AP3S1: variants seen among roughly 807,000 people sequenced by gnomAD.
AP3S1 encodes adaptor related protein complex 3 subunit sigma 1.
A neutral mutation model predicts 21.3 loss-of-function variants in AP3S1; 12 were observed. The ratio of observed to expected loss-of-function variants is 0.56; its 90% CI spans 0.36 to 0.91. AP3S1 has a LOEUF of 0.91. Among genes scored for constraint, AP3S1 ranks in the 40% least tolerant of loss-of-function variants. The pLI is 0.01. For synonymous variants in AP3S1, 48 were observed against 78.4 expected, an observed-to-expected ratio of 0.61 and a Z score of 2.05; for missense variants, 116 against 225.0, an observed-to-expected ratio of 0.52 and a Z score of 3.10.
At chr5:115,892,423 A>G (rs1333776044) in intron 3 of AP3S1, among the ~76,000 whole-genome samples, 1 of 152,248 alleles carries the variant, frequency 6.6e-6, no homozygotes, top group African/African-American at 2.4e-5. Context: ...TCATCAGCAG[A>G]CGAATAATGG....
chr5:115,913,263 A>G (rs1752241311), intron 5 of AP3S1, 99 bp from the exon 6 acceptor site: 41 of 1,323,202 alleles, frequency 3.1e-5, no homozygotes, highest in Non-Finnish European at 4.0e-5. Context: ...AGCTTGTTAT[A>G]TGAAAATCTT....
At chr5:115,891,017 T>G (rs557400844) in intron 3 of AP3S1, among the ~76,000 whole-genome samples, 328 of 152,278 alleles carry the variant, frequency 2.2e-3, no homozygotes, top group Non-Finnish European at 3.5e-3. Flanking sequence ...CATTCAGTCC[T>G]CATAACAGGA....
chr5:115,846,003 C>T (rs1346935429), intron 1 of AP3S1, among the ~76,000 whole-genome samples: 1 of 152,008 alleles, frequency 6.6e-6, no homozygotes, highest in East Asian at 1.9e-4. Context: ...AGCGACTTGA[C>T]AACAGTAACC....
intron 1 of AP3S1, among the ~76,000 whole-genome samples, chr5:115,863,966 A>G (rs1273163157): frequency 6.6e-6 from 1 of 152,226 alleles, no homozygotes; most frequent in Non-Finnish European, 1.5e-5. Context: ...TGTCTGCCTG[A>G]ACAGATTTTT....
chr5:115,885,547 T>C (rs1459248410), intron 3 of AP3S1, among the ~76,000 whole-genome samples: 2 of 152,162 alleles, frequency 1.3e-5, no homozygotes, highest in Non-Finnish European at 2.9e-5. Context: ...TTAACCTTCT[T>C]TTGCCTGCTT....
intron 1 of AP3S1, among the ~76,000 whole-genome samples, chr5:115,862,606 C>A (rs1401015552): frequency 6.6e-6 from 1 of 152,144 alleles, no homozygotes. Context: ...ATAATTCCAA[C>A]ATTCTGTTGC....
At chr5:115,869,779 G>A (rs546189210) in intron 2 of AP3S1, among the ~76,000 whole-genome samples, 10 of 152,302 alleles carry the variant, frequency 6.6e-5, no homozygotes, top group African/African-American at 2.2e-4. Context: ...GTTACTCAGA[G>A]AATAGTTTAA....
chr5:115,909,042 C>T lies in AP3S1; in HGVS notation c.454-4320C>T, dbSNP rs558910019. ...GGAAGGGTGGGTAAAGGTTTTAATA[C>T]GTACAGTTTGTTCCAACTACCATCT... is the stretch of plus-strand genomic sequence containing the variant. On this transcript the variant is annotated intron_variant, in intron 5 of 5. Coordinates refer to ENST00000316788, the MANE Select transcript of AP3S1 (RefSeq NM_001284.4). 3.1e-5 allele frequency: 29 copies of T among 942,776 alleles called. No homozygotes were observed. The East Asian group carries it at 7.0e-4, about 23-fold the overall frequency. The allele number at this position is 942,776 out of a possible 1,614,324, so 58.4% of individuals were successfully genotyped here.
chr5:115,868,442 C>A (rs916310854), intron 2 of AP3S1, among the ~76,000 whole-genome samples: 1 of 152,118 alleles, frequency 6.6e-6, no homozygotes, highest in Non-Finnish European at 1.5e-5. Flanking sequence ...AACATCTTCT[C>A]TAGAAGAGTA....
chr5:115,872,198 G>T, intron 3 of AP3S1, among the ~76,000 whole-genome samples: 1 of 152,250 alleles, frequency 6.6e-6, no homozygotes, highest in Middle Eastern at 3.4e-3. Flanking sequence ...GGGAGGCTGA[G>T]GCGGGAGCCA....
At chr5:115,897,326 G>A (rs1292773342) in intron 4 of AP3S1, among the ~76,000 whole-genome samples, 1 of 151,872 alleles carries the variant, frequency 6.6e-6, no homozygotes, top group African/African-American at 2.4e-5. Context: ...TCTTTTCTCT[G>A]GGCTAAGATC....
chr5:115,889,246 G>A (rs1486201619), intron 3 of AP3S1, among the ~76,000 whole-genome samples: 1 of 151,856 alleles, frequency 6.6e-6, no homozygotes, highest in African/African-American at 2.4e-5. Flanking sequence ...GTCTTCTCAT[G>A]GTTAAAAAAG....
intron 3 of AP3S1, among the ~76,000 whole-genome samples, chr5:115,893,611 T>C (rs1421765459): frequency 1.3e-5 from 2 of 152,120 alleles, no homozygotes; most frequent in Admixed American, 6.5e-5. Context: ...CCATCTAACA[T>C]TGATGCCAGG....
intron 4 of AP3S1, 46 bp downstream of exon 4, chr5:115,895,204 A>C (rs1750651199): frequency 7.6e-7 from 1 of 1,320,294 alleles, no homozygotes; most frequent in Admixed American, 2.2e-5. Context: ...AAAAACATTA[A>C]CTTATAATTG....
Position 115,911,715 on chromosome 5 carries a change from A to G in AP3S1, c.454-1647A>G, listed in dbSNP as rs1580759784. On this transcript the variant is annotated intron_variant, in intron 5 of 5. Transcript: ENST00000316788. ...ACCTTTAACTTGAAACGATCAAATT[A>G]AAGACCCTTTCAAATATTATACATG... 1.3e-5 allele frequency among the ~76,000 whole-genome samples: 2 copies of G among 151,966 alleles called. 1 individual carries two copies. Among genetic ancestry groups the G allele is most frequent in the African/African-American group, 4.8e-5 (2 of 41,412 alleles).
chr5:115,896,332 A>G (rs896341119), intron 4 of AP3S1, among the ~76,000 whole-genome samples: 3 of 152,224 alleles, frequency 2.0e-5, no homozygotes, highest in African/African-American at 7.2e-5. Flanking sequence ...GATTTTATAA[A>G]TTAATTCATT....
chr5:115,892,980 G>A (rs1310422169), intron 3 of AP3S1, among the ~76,000 whole-genome samples: 1 of 152,116 alleles, frequency 6.6e-6, no homozygotes, highest in African/African-American at 2.4e-5. Context: ...ATTATAGCTA[G>A]ACAAAATTAA....
chr5:115,887,211 T>C (rs1202529795), intron 3 of AP3S1, among the ~76,000 whole-genome samples: 1 of 152,204 alleles, frequency 6.6e-6, no homozygotes, highest in African/African-American at 2.4e-5. Flanking sequence ...TTTTTAGTTA[T>C]TGGTTTGAGT....
intron 3 of AP3S1, among the ~76,000 whole-genome samples, chr5:115,877,978 G>A (rs544111890): frequency 1.4e-4 from 22 of 152,204 alleles, no homozygotes; most frequent in Admixed American, 3.9e-4. Flanking sequence ...TCATATGTGC[G>A]TTGACTGCAT....
Sources: allele counts gnomAD v4.1 joint callset (sites outside exome capture counted in the v4.1 genomes callset), GRCh38; gene constraint gnomAD v4.1.1; transcripts MANE v1.5; gene names NCBI Gene and HGNC (gene_info 2026-07-23, HGNC 2026-07-21).